Variants in SAE1 observed in about 807,000 individuals in gnomAD.
SAE1 encodes the protein SUMO1 activating enzyme subunit 1, also known as SUMO-activating enzyme subunit 1.
A neutral mutation model predicts 40.6 loss-of-function variants in SAE1; 11 were observed. The ratio of observed to expected loss-of-function variants is 0.27; its 90% CI spans 0.17 to 0.45. The LOEUF (loss-of-function observed/expected upper bound fraction) is 0.45. SAE1 is among the 20% of genes least tolerant of loss of function. The pLI is 1.00. For missense variants in SAE1, 373 were observed against 427.3 expected (o/e 0.87, Z 1.12); for synonymous variants, 155 against 154.3 (o/e 1.00, Z -0.03).
At chr19:47,153,090 C>CTT in intron 4 of SAE1, 50 bp downstream of exon 4, 27 of 1,239,662 alleles carry the variant, frequency 2.2e-5, no homozygotes, top group Middle Eastern at 2.7e-4. Context: ...CCTTTTTATA[C>CTT]TTTTTTTTTT....
At chr19:47,175,077 A>G (rs1380788374) in intron 6 of SAE1, among the ~76,000 whole-genome samples, 2 of 150,312 alleles carry the variant, frequency 1.3e-5, no homozygotes, top group Non-Finnish European at 3.0e-5. Flanking sequence ...TTAGCACATT[A>G]GAAGTGGAAA....
At chr19:47,192,964 T>G (rs1279055768) in intron 6 of SAE1, among the ~76,000 whole-genome samples, 1 of 151,954 alleles carries the variant, frequency 6.6e-6, no homozygotes, top group Non-Finnish European at 1.5e-5. Flanking sequence ...TTTACTACAA[T>G]CGGAATACCA....
At chr19:47,138,240 C>T (rs1393190148) in intron 1 of SAE1, among the ~76,000 whole-genome samples, 3 of 150,826 alleles carry the variant, frequency 2.0e-5, no homozygotes, top group Admixed American at 6.6e-5. Flanking sequence ...GACCAGGTTT[C>T]GCCATGTTGG....
rs2058701663 is a variant in SAE1, at chr19:47,209,323, T to C, written c.*72T>C. 2.5e-6 allele frequency: 4 copies of C among 1,609,506 alleles called. No individual in the cohort carries two copies. Among genetic ancestry groups the C allele is most frequent in the Non-Finnish European group, 3.4e-6 (4 of 1,177,352 alleles). On this transcript the variant is annotated 3_prime_UTR_variant, in exon 9 of 9. Transcript: ENST00000270225. Reference sequence around the variant, plus strand: ...CTGTATTCCCTGTCCCCTTCCTTCATGAAGGCATCTCCAGGCAAGGAAAAC... The same window carrying C: ...CTGTATTCCCTGTCCCCTTCCTTCACGAAGGCATCTCCAGGCAAGGAAAAC...
chr19:47,170,067 G>C (rs940941817), intron 6 of SAE1, 144 bp downstream of exon 6: 8 of 653,566 alleles, frequency 1.2e-5, no homozygotes, highest in African/African-American at 3.6e-5. Context: ...CTTGAGAAAG[G>C]GGTGGTCACT....
At chr19:47,155,529 C>A (rs1351074695) in intron 5 of SAE1, among the ~76,000 whole-genome samples, 1 of 151,968 alleles carries the variant, frequency 6.6e-6, no homozygotes, top group Non-Finnish European at 1.5e-5. Flanking sequence ...GGCATGATCT[C>A]GGCTCACTAC....
At chr19:47,156,586 T>G (rs987846108) in intron 5 of SAE1, among the ~76,000 whole-genome samples, 1 of 151,014 alleles carries the variant, frequency 6.6e-6, no homozygotes, top group East Asian at 2.0e-4. Flanking sequence ...TGGCACAATC[T>G]CAGCTCACTG....
chr19:47,188,401 G>GA (rs1459215160), intron 6 of SAE1, among the ~76,000 whole-genome samples: 1 of 152,024 alleles, frequency 6.6e-6, no homozygotes, highest in Non-Finnish European at 1.5e-5. Flanking sequence ...GTATCTAAGG[G>GA]AAAAAACTGT....
chr19:47,134,473 G>T (rs2058166527), intron 1 of SAE1, among the ~76,000 whole-genome samples: 1 of 152,052 alleles, frequency 6.6e-6, no homozygotes, highest in Non-Finnish European at 1.5e-5. Flanking sequence ...AATAGATTGG[G>T]AATTAAGTGA....
At chr19:47,143,325 G>A (rs1210548555) in intron 1 of SAE1, among the ~76,000 whole-genome samples, 169 bp from the exon 2 acceptor site, 2 of 152,034 alleles carry the variant, frequency 1.3e-5, no homozygotes, top group Admixed American at 6.6e-5. Context: ...GGCTGGTCTC[G>A]AACTCCTGAC....
chr19:47,141,968 G>A (rs2058224753), intron 1 of SAE1, among the ~76,000 whole-genome samples: 4 of 152,118 alleles, frequency 2.6e-5, no homozygotes, highest in Non-Finnish European at 4.4e-5. Flanking sequence ...TGGTTCAAGA[G>A]ATTTCAGATA....
At chr19:47,131,226 G>C (rs1386304086) in intron 1 of SAE1, 198 bp downstream of exon 1, 9 of 1,331,402 alleles carry the variant, frequency 6.8e-6, no homozygotes, top group Non-Finnish European at 8.7e-6. Flanking sequence ...GTGGTTGGGA[G>C]GGCCGTTCCG....
chr19:47,139,652 G>A (rs540567351), intron 1 of SAE1, among the ~76,000 whole-genome samples: 10 of 147,524 alleles, frequency 6.8e-5, no homozygotes, highest in East Asian at 4.0e-4. Context: ...GCAGTGGCGC[G>A]ATCTCGGCTC....
In SAE1 at chr19:47,152,904, C is replaced by T. The variant is rs763219773; in HGVS notation, c.391C>T (p.Leu131=). The change falls in exon 4 of 9, where the codon CTG becomes TTG. Residue 131 remains leucine, a synonymous_variant. Transcript: ENST00000270225. ...SFFTQFDAVC[L]TCCSRDVIVK... Reference sequence around the variant, plus strand: ...AATTTCTTTCTTTCTGCAGGTGTGTCTGACTTGCTGCTCCAGGGATGTCAT... The same window carrying T: ...AATTTCTTTCTTTCTGCAGGTGTGTTTGACTTGCTGCTCCAGGGATGTCAT... The T allele has an allele frequency of 3.1e-6, 5 of 1,611,686 alleles. No individual in the cohort carries two copies. In the South Asian group the frequency reaches 4.4e-5, roughly 14 times the overall value.
intron 6 of SAE1, among the ~76,000 whole-genome samples, chr19:47,181,388 C>A (rs567323646): frequency 4.0e-5 from 6 of 151,352 alleles, no homozygotes; most frequent in Non-Finnish European, 8.8e-5. Context: ...GTACTGTTTC[C>A]ATGTTATTTA....
At chr19:47,189,527 C>T (rs2058566316) in intron 6 of SAE1, among the ~76,000 whole-genome samples, 1 of 152,062 alleles carries the variant, frequency 6.6e-6, no homozygotes, top group African/African-American at 2.4e-5. Context: ...CGCCACTGCA[C>T]TCCAGCCTGG....
chr19:47,140,478 C>A (rs988995469), intron 1 of SAE1, among the ~76,000 whole-genome samples: 5 of 151,980 alleles, frequency 3.3e-5, no homozygotes, highest in African/African-American at 7.2e-5. Context: ...TCTCGAACTC[C>A]TGACTTCAGG....
At chr19:47,194,470 G>C (rs1283742614) in intron 6 of SAE1, among the ~76,000 whole-genome samples, 1 of 152,198 alleles carries the variant, frequency 6.6e-6, no homozygotes, top group African/African-American at 2.4e-5. Context: ...ATACGGAAGA[G>C]ATATCAATGA....
In SAE1 at chr19:47,176,823, A is replaced by G. The variant is rs116303596; in HGVS notation, c.733+6900A>G. Among the ~76,000 whole-genome samples, 1,108 of 152,324 alleles carry G rather than the reference A, an allele frequency of 7.3e-3. 9 individuals are homozygous for G. The highest frequency in any genetic ancestry group is 0.024 in the African/African-American group (992 of 41,578). On this transcript the variant is annotated intron_variant, in intron 6 of 8. Coordinates refer to ENST00000270225, the MANE Select transcript of SAE1 (RefSeq NM_005500.3). ...AGAGTTGGCCTCGCCATCTGTGAGC[A>G]AAAGGTCTCTTCTTTTTATTATTCT...
Sources: allele counts gnomAD v4.1 joint callset (sites outside exome capture counted in the v4.1 genomes callset), GRCh38; gene constraint gnomAD v4.1.1; transcripts MANE v1.5; gene names NCBI Gene and HGNC (gene_info 2026-07-23, HGNC 2026-07-21).